Variants in KHDRBS3 observed in about 807,000 individuals in gnomAD.
KHDRBS3 encodes the protein KH RNA binding domain containing, signal transduction associated 3.
Under a neutral mutation model 45.6 loss-of-function variants are expected in KHDRBS3, and 23 were observed. That is an observed-to-expected ratio of 0.50 (90% CI 0.36 to 0.72). The LOEUF (loss-of-function observed/expected upper bound fraction) is 0.72. Among genes scored for constraint, KHDRBS3 ranks in the 30% least tolerant of loss-of-function variants. The pLI is 0.00. For missense variants in KHDRBS3, 352 were observed against 424.8 expected (o/e 0.83, Z 1.51); for synonymous variants, 162 against 156.5 (o/e 1.04, Z -0.26).
intron 6 of KHDRBS3, among the ~76,000 whole-genome samples, chr8:135,589,670 A>G (rs1264379143): frequency 1.3e-5 from 2 of 152,126 alleles, no homozygotes; most frequent in East Asian, 1.9e-4. Flanking sequence ...ACCCACCTCT[A>G]TGTTTACTTA....
chr8:135,560,403 T>C (rs1252844264), intron 5 of KHDRBS3, among the ~76,000 whole-genome samples: 2 of 152,104 alleles, frequency 1.3e-5, no homozygotes, highest in East Asian at 3.9e-4. Flanking sequence ...CACTTAAGAT[T>C]AAATTACTCT....
At chr8:135,489,593 G>A (rs900081979) in intron 1 of KHDRBS3, among the ~76,000 whole-genome samples, 3 of 152,030 alleles carry the variant, frequency 2.0e-5, no homozygotes, top group African/African-American at 7.2e-5. Flanking sequence ...CAGGAGAATC[G>A]CTTGAACTCA....
Position 135,646,992 on chromosome 8 carries a change from G to T in KHDRBS3, c.950-1G>T. 6.4e-7 allele frequency: 1 copy of T among 1,551,286 alleles called. No homozygotes were observed. The highest frequency in any genetic ancestry group is 8.9e-7 in the Non-Finnish European group (1 of 1,122,734). On this transcript the variant is annotated splice_acceptor_variant, in intron 8 of 8. Transcript: ENST00000355849. LOFTEE classifies it high-confidence loss of function. ...ATTGTGATTCATCTTACTGATTGTA[G>T]GGCAAGAAGAGTGGACTAACTCAAG...
chr8:135,463,453 C>T lies in KHDRBS3; in HGVS notation c.88+5499C>T, dbSNP rs76808198. Among the ~76,000 whole-genome samples the T allele has an allele frequency of 4.4e-3, 671 of 152,196 alleles. 10 individuals are homozygous for T. The highest frequency in any genetic ancestry group is 0.015 in the African/African-American group (605 of 41,532). ...ACAAGCAGAAAAGCATCCCAGTGCTCTTTAAATGTGGTTGCACAGTAGGGA... is the reference window on the plus strand; with the variant it reads ...ACAAGCAGAAAAGCATCCCAGTGCTTTTTAAATGTGGTTGCACAGTAGGGA... On this transcript the variant is annotated intron_variant, in intron 1 of 8. Transcript: ENST00000355849.
Position 135,521,316 on chromosome 8 carries a change from G to A in KHDRBS3, c.168G>A (p.Leu56=). 1.2e-6 allele frequency: 2 copies of A among 1,612,648 alleles called. No homozygotes were observed. The highest frequency in any genetic ancestry group is 1.7e-6 in the Non-Finnish European group (2 of 1,178,708). The part of the protein sequence containing the change: ...IDVVINKNMK[L]GQKVLIPVKQ... ...TGGTGATTAATAAGAACATGAAGCTGGGACAGAAAGTGTTAATTCCCGTAA... is the reference window on the plus strand; with the variant it reads ...TGGTGATTAATAAGAACATGAAGCTAGGACAGAAAGTGTTAATTCCCGTAA... The change falls in exon 2 of 9, where the codon CTG becomes CTA. Residue 56 remains leucine, a synonymous_variant. Coordinates refer to ENST00000355849, the MANE Select transcript of KHDRBS3 (RefSeq NM_006558.3).
chr8:135,468,177 C>T (rs1357069215), intron 1 of KHDRBS3, among the ~76,000 whole-genome samples: 1 of 152,188 alleles, frequency 6.6e-6, no homozygotes, highest in Non-Finnish European at 1.5e-5. Context: ...ATTGAGGGCC[C>T]TTTGCTCTGG....
At chr8:135,630,695 A>G (rs1211252836) in intron 7 of KHDRBS3, among the ~76,000 whole-genome samples, 2 of 152,146 alleles carry the variant, frequency 1.3e-5, no homozygotes, top group Non-Finnish European at 2.9e-5. Context: ...TGCACTGAAT[A>G]CTGTGGGCAA....
chr8:135,470,007 A>C (rs1287225715), intron 1 of KHDRBS3, among the ~76,000 whole-genome samples: 2 of 152,234 alleles, frequency 1.3e-5, no homozygotes, highest in Non-Finnish European at 2.9e-5. Context: ...TTACTGCTTA[A>C]ATTTTTATTT....
At chr8:135,602,806 C>T (rs1829277822) in intron 6 of KHDRBS3, among the ~76,000 whole-genome samples, 1 of 152,198 alleles carries the variant, frequency 6.6e-6, no homozygotes, top group African/African-American at 2.4e-5. Context: ...ATAAACACAA[C>T]ATGAATGATG....
chr8:135,519,619 C>T (rs986828842), intron 1 of KHDRBS3, among the ~76,000 whole-genome samples: 8 of 152,148 alleles, frequency 5.3e-5, no homozygotes, highest in Admixed American at 4.6e-4. Context: ...TATTCTAGTT[C>T]CCTTTTCTCA....
At chr8:135,608,069 A>C (rs1162228953) in intron 7 of KHDRBS3, among the ~76,000 whole-genome samples, 3 of 152,154 alleles carry the variant, frequency 2.0e-5, no homozygotes, top group Non-Finnish European at 4.4e-5. Flanking sequence ...GAGCCCAGTG[A>C]CTGGCATGTG....
At chr8:135,618,981 A>T (rs1418306575) in intron 7 of KHDRBS3, among the ~76,000 whole-genome samples, 1 of 152,180 alleles carries the variant, frequency 6.6e-6, no homozygotes, top group Non-Finnish European at 1.5e-5. Flanking sequence ...TCACCAGGTG[A>T]TAGATTGCTT....
Position 135,569,622 on chromosome 8 carries a change from T to C in KHDRBS3, c.611+12035T>C, listed in dbSNP as rs73712066. 2.8e-3 allele frequency among the ~76,000 whole-genome samples: 422 copies of C among 152,212 alleles called. 2 individuals are homozygous for C. The highest frequency in any genetic ancestry group is 0.017 in the Middle Eastern group (5 of 294). On this transcript the variant is annotated intron_variant, in intron 5 of 8. Transcript: ENST00000355849. Reference sequence around the variant, plus strand: ...TGTAATTTCCTGGAAAGAAAAAATATATATATTTAACCTACTGTAGAACGT... The same window carrying C: ...TGTAATTTCCTGGAAAGAAAAAATACATATATTTAACCTACTGTAGAACGT...
chr8:135,488,109 A>G (rs1445019259), intron 1 of KHDRBS3, among the ~76,000 whole-genome samples: 4 of 152,206 alleles, frequency 2.6e-5, no homozygotes, highest in African/African-American at 7.2e-5. Flanking sequence ...ACATCTCTAT[A>G]TAGTATACAA....
At chr8:135,576,323 CAG>C (rs1003970592) in intron 5 of KHDRBS3, among the ~76,000 whole-genome samples, 3 of 152,206 alleles carry the variant, frequency 2.0e-5, no homozygotes, top group African/African-American at 7.2e-5. Context: ...TGGGGAATTA[CAG>C]TTCACTTCCC....
chr8:135,471,525 A>G (rs1224719227), intron 1 of KHDRBS3, among the ~76,000 whole-genome samples: 1 of 152,174 alleles, frequency 6.6e-6, no homozygotes, highest in Non-Finnish European at 1.5e-5. Flanking sequence ...GCCAAATTAA[A>G]AGACATTTAT....
intron 1 of KHDRBS3, among the ~76,000 whole-genome samples, chr8:135,481,527 T>G (rs1171247507): frequency 6.6e-6 from 1 of 152,108 alleles, no homozygotes; most frequent in African/African-American, 2.4e-5. Context: ...GGACTGTGTA[T>G]GCACGGTGCT....
chr8:135,483,533 T>G (rs957409730), intron 1 of KHDRBS3, among the ~76,000 whole-genome samples: 8 of 152,222 alleles, frequency 5.3e-5, no homozygotes, highest in Non-Finnish European at 1.0e-4. Flanking sequence ...AACTAAGTAG[T>G]ATAAAGCATA....
downstream of KHDRBS3, among the ~76,000 whole-genome samples, chr8:135,650,834 G>A (rs1014580370): frequency 9.2e-5 from 14 of 152,180 alleles, no homozygotes; most frequent in African/African-American, 3.1e-4. Flanking sequence ...CCTTCATGGA[G>A]AGAGTCTTTC....
Sources: gnomAD v4.1 joint callset for allele counts (sites outside exome capture counted in the v4.1 genomes callset) on GRCh38, gnomAD v4.1.1 for gene constraint, MANE v1.5 for transcripts, NCBI Gene and HGNC (gene_info 2026-07-23, HGNC 2026-07-21) for gene names.